NCKAP5: variants seen among roughly 807,000 people sequenced by gnomAD.
The protein encoded by NCKAP5 is nck-associated protein 5.
A neutral mutation model predicts 167.0 loss-of-function variants in NCKAP5; 92 were observed. That is an observed-to-expected ratio of 0.55 (90% CI 0.47 to 0.66). The LOEUF (loss-of-function observed/expected upper bound fraction) is 0.66. NCKAP5 is among the 30% of genes least tolerant of loss of function. The probability of loss-of-function intolerance (pLI) is 0.00; values close to 1 mark genes in which losing one functional copy is unlikely to be tolerated. For synonymous variants in NCKAP5, 891 were observed against 877.4 expected (o/e 1.02, Z -0.27); for missense variants, 2,378 against 2,315.0 (o/e 1.03, Z -0.56).
At chr2:133,566,497 T>A (rs1006134415) in intron 1 of NCKAP5, among the ~76,000 whole-genome samples, 1 of 152,162 alleles carries the variant, frequency 6.6e-6, no homozygotes, top group African/African-American at 2.4e-5. Flanking sequence ...CCTTAAGAAA[T>A]GTAACGAGAG....
chr2:133,028,913 C>T (rs943388667), intron 6 of NCKAP5, among the ~76,000 whole-genome samples: 11 of 152,058 alleles, frequency 7.2e-5, no homozygotes, highest in African/African-American at 2.4e-4. Flanking sequence ...AAGTGTGTGG[C>T]ACCTTCCCCT....
intron 8 of NCKAP5, among the ~76,000 whole-genome samples, chr2:132,897,502 G>A (rs1003513610): frequency 1.3e-5 from 2 of 152,092 alleles, no homozygotes; most frequent in East Asian, 1.9e-4. Flanking sequence ...TTTCTCAACC[G>A]CAGCACTATT....
At chr2:133,017,868 C>T (rs150641549) in intron 6 of NCKAP5, among the ~76,000 whole-genome samples, 1 of 152,192 alleles carries the variant, frequency 6.6e-6, no homozygotes, top group East Asian at 1.9e-4. Context: ...AACACTTCTC[C>T]CCTGCTACTT....
At chr2:132,918,535 A>G (rs1045908763) in intron 8 of NCKAP5, among the ~76,000 whole-genome samples, 2 of 152,180 alleles carry the variant, frequency 1.3e-5, no homozygotes, top group African/African-American at 4.8e-5. Context: ...CATTTATTGG[A>G]TCATTTCTCC....
At chr2:133,253,760 G>A (rs149076666) in intron 4 of NCKAP5, among the ~76,000 whole-genome samples, 1 of 152,190 alleles carries the variant, frequency 6.6e-6, no homozygotes, top group Non-Finnish European at 1.5e-5. Context: ...GAGAAAAAAA[G>A]GGAAAATATA....
chr2:133,614,858 A>G, the NCKAP5 span, among the ~76,000 whole-genome samples: 2 of 152,176 alleles, frequency 1.3e-5, no homozygotes, highest in South Asian at 4.1e-4. Context: ...CAGATTCACC[A>G]AAGTTGAAAT....
At chr2:132,808,612 T>G (rs1187400170) in intron 11 of NCKAP5, among the ~76,000 whole-genome samples, 5 of 152,180 alleles carry the variant, frequency 3.3e-5, no homozygotes, top group Non-Finnish European at 5.9e-5. Context: ...TAATATCTCC[T>G]GTTTCGTTTC....
In NCKAP5 at chr2:133,413,421, C is replaced by G. The variant is rs138137880; in HGVS notation, c.69+104037G>C. ...TCAAATGTGTTGTGATTGGCCTGTA[C>G]AGAGTTTAAAAGGAATGAACTGATA... On this transcript the variant is annotated intron_variant, in intron 3 of 19. Transcript: ENST00000409261. Among the ~76,000 whole-genome samples, 47 of 152,106 alleles carry G rather than the reference C, an allele frequency of 3.1e-4. No individual in the cohort carries two copies. The East Asian group carries it at 7.5e-3, about 24-fold the overall frequency.
the NCKAP5 span, among the ~76,000 whole-genome samples, chr2:133,646,958 A>G: frequency 6.6e-6 from 1 of 152,166 alleles, no homozygotes; most frequent in Non-Finnish European, 1.5e-5. Flanking sequence ...GGTAACCGCA[A>G]AAAAATACCT....
At chr2:133,106,554 G>A (rs930537827) in intron 6 of NCKAP5, among the ~76,000 whole-genome samples, 8 of 152,126 alleles carry the variant, frequency 5.3e-5, no homozygotes, top group Non-Finnish European at 1.5e-5. Context: ...TGCAGATCCC[G>A]AGTAAAGGTC....
At chr2:133,545,225 T>G (rs1686553460) in intron 2 of NCKAP5, among the ~76,000 whole-genome samples, 1 of 152,208 alleles carries the variant, frequency 6.6e-6, no homozygotes, top group Non-Finnish European at 1.5e-5. Flanking sequence ...TTTAGAATAT[T>G]AAACTTTTTG....
At chr2:133,021,472 C>A (rs752029196) in intron 6 of NCKAP5, among the ~76,000 whole-genome samples, 17 of 152,190 alleles carry the variant, frequency 1.1e-4, no homozygotes, top group Non-Finnish European at 2.1e-4. Flanking sequence ...GAAAAAGTTT[C>A]TAATATATCT....
At chr2:133,654,853 G>C in the NCKAP5 span, among the ~76,000 whole-genome samples, 640 of 152,188 alleles carry the variant, frequency 4.2e-3, 4 homozygotes, top group Non-Finnish European at 5.8e-3. Flanking sequence ...GGCTGTTTTT[G>C]GATACTCTTG....
intron 2 of NCKAP5, among the ~76,000 whole-genome samples, chr2:133,558,704 C>CAAAAGAAAAAAAAAA (rs1687930527): frequency 2.0e-5 from 1 of 50,872 alleles, no homozygotes; most frequent in Non-Finnish European, 3.3e-5. Flanking sequence ...ATGTGCTGAG[C>CAAAAGAAAAAAAAAA]AAAAAAAAAA....
intron 4 of NCKAP5, among the ~76,000 whole-genome samples, chr2:133,270,882 G>A (rs972168304): frequency 7.9e-5 from 12 of 151,618 alleles, no homozygotes; most frequent in East Asian, 5.8e-4. Context: ...CCCACCCTGC[G>A]GAGTGTACTT....
intron 6 of NCKAP5, chr2:133,123,545 C>T (rs2082313282): frequency 7.9e-6 from 2 of 253,620 alleles, no homozygotes; most frequent in Admixed American, 8.6e-5. Flanking sequence ...AGATGAGAGG[C>T]CCCAATTTTT....
At chr2:133,432,013 T>C (rs560777414) in intron 3 of NCKAP5, among the ~76,000 whole-genome samples, 1 of 152,284 alleles carries the variant, frequency 6.6e-6, no homozygotes, top group South Asian at 2.1e-4. Flanking sequence ...ACCAAACACA[T>C]GGATCCGATA....
chr2:133,612,854 C>T, the NCKAP5 span, among the ~76,000 whole-genome samples: 1 of 152,188 alleles, frequency 6.6e-6, no homozygotes, highest in Non-Finnish European at 1.5e-5. Context: ...TAACATTGCT[C>T]TTAAGCGCGG....
At chr2:133,510,240 G>A (rs922151853) in intron 3 of NCKAP5, among the ~76,000 whole-genome samples, 6 of 152,136 alleles carry the variant, frequency 3.9e-5, no homozygotes, top group Non-Finnish European at 5.9e-5. Context: ...GCTGGGGGAC[G>A]GCTAGATGCT....
Sources: allele counts gnomAD v4.1 joint callset (sites outside exome capture counted in the v4.1 genomes callset), GRCh38; gene constraint gnomAD v4.1.1; transcripts MANE v1.5; gene names NCBI Gene and HGNC (gene_info 2026-07-23, HGNC 2026-07-21).